The following CASK variants were observed in gnomAD, a reference collection of about 807,000 sequenced individuals.
The protein encoded by CASK is calcium/calmodulin dependent serine protein kinase.
CASK carries 4 observed loss-of-function variants against 82.9 expected under a neutral mutation model. The ratio of observed to expected loss-of-function variants is 0.05; its 90% CI spans 0.02 to 0.11. The LOEUF is 0.11. Among genes scored for constraint, CASK ranks in the 10% least tolerant of loss-of-function variants. CASK has a pLI of 1.00. For missense variants in CASK, 358 were observed against 720.9 expected, an observed-to-expected ratio of 0.50 and a Z score of 5.76; for synonymous variants, 259 against 253.5, an observed-to-expected ratio of 1.02 and a Z score of -0.20.
chrX:41,684,461 G>A (rs1313075132), intron 5 of CASK, among the ~76,000 whole-genome samples: 1 of 111,781 alleles, frequency 8.9e-6, no homozygotes, highest in East Asian at 2.8e-4. Context: ...CCAGGTTAAA[G>A]TGATTAAAGG....
intron 5 of CASK, chrX:41,728,849 T>C (rs942338420): frequency 1.6e-5 from 2 of 124,136 alleles, no homozygotes; most frequent in Admixed American, 1.9e-4. Context: ...ATCCAAGGTT[T>C]TATAAACATA....
chrX:41,625,178 CTTAA>C (rs2066345313), intron 10 of CASK, among the ~76,000 whole-genome samples: 1 of 104,183 alleles, frequency 9.6e-6, no homozygotes, highest in Non-Finnish European at 2.0e-5. Flanking sequence ...TTTTTTATCT[CTTAA>C]TTTTTTTTTT....
chrX:41,681,544 A>G (rs1288106338), intron 5 of CASK, among the ~76,000 whole-genome samples: 2 of 111,924 alleles, frequency 1.8e-5, no homozygotes, highest in Admixed American at 9.5e-5. Context: ...CATCTCTCCA[A>G]TAAATTGCAT....
intron 15 of CASK, among the ~76,000 whole-genome samples, chrX:41,573,018 G>A (rs997405810): frequency 3.7e-5 from 4 of 108,213 alleles, no homozygotes; most frequent in East Asian, 2.9e-4. Flanking sequence ...TACTGCTTCC[G>A]ATAAGACATT....
rs1050726962 is a variant in CASK at position 41,636,220 on chromosome X, G to A, written c.915+358C>T. 3.6e-5 allele frequency among the ~76,000 whole-genome samples: 4 copies of A among 111,125 alleles called. No individual in the cohort carries two copies. The Admixed American group carries it at 3.9e-4, about 11-fold the overall frequency. On this transcript the variant is annotated intron_variant, in intron 9 of 26. Transcript: ENST00000378163. ...CCCCTAATTCCAATTCTAATTCAAA[G>A]TTATTTCCATTGAACTAAACATACA...
chrX:41,726,437 A>T (rs1380816845), intron 5 of CASK, among the ~76,000 whole-genome samples: 1 of 111,999 alleles, frequency 8.9e-6, no homozygotes, highest in Admixed American at 9.5e-5. Context: ...GAACTGAGTT[A>T]ACTTCTGAAA....
At chrX:41,553,178 C>T (rs1338886579) in intron 21 of CASK, among the ~76,000 whole-genome samples, 2 of 111,997 alleles carry the variant, frequency 1.8e-5, no homozygotes, top group East Asian at 5.6e-4. Flanking sequence ...CTTTAGCCTG[C>T]TTTTAGGGCT....
At chrX:41,762,164 T>C (rs2069011566) in intron 3 of CASK, among the ~76,000 whole-genome samples, 1 of 111,935 alleles carries the variant, frequency 8.9e-6, no homozygotes, top group Admixed American at 9.5e-5. Context: ...AGAGCCAGGA[T>C]TTGAATATAG....
At chrX:41,706,979 A>T (rs112881042) in intron 5 of CASK, among the ~76,000 whole-genome samples, 1,270 of 112,413 alleles carry the variant, frequency 0.011, 21 homozygotes, top group African/African-American at 0.038. Flanking sequence ...AGATACACAT[A>T]CTATAGTAAT....
At chrX:41,877,937 T>C (rs1166927810) in intron 1 of CASK, among the ~76,000 whole-genome samples, 1 of 104,054 alleles carries the variant, frequency 9.6e-6, no homozygotes, top group Non-Finnish European at 2.1e-5. Context: ...AAATGGCAAA[T>C]TTTATGTTAT....
At chrX:41,565,801 A>G (rs1303442732) in intron 16 of CASK, among the ~76,000 whole-genome samples, 2 of 111,780 alleles carry the variant, frequency 1.8e-5, no homozygotes, top group African/African-American at 6.5e-5. Context: ...ATTTTAGACC[A>G]ATACCCCTGA....
intron 17 of CASK, among the ~76,000 whole-genome samples, chrX:41,560,772 T>A (rs960960342): frequency 2.8e-5 from 3 of 107,085 alleles, no homozygotes; most frequent in African/African-American, 1.0e-4. Context: ...ATGCCTGTAA[T>A]CCCAGCTACT....
chrX:41,884,669 T>C lies in CASK; in HGVS notation c.60-31442A>G, dbSNP rs1043749459. On this transcript the variant is annotated intron_variant, in intron 1 of 26. Transcript: ENST00000378163. ...CCAATGAGATAAAAGCAAACTTCAA[T>C]AGATGTGGTTTACAGCAAAGCTCTT... 5.4e-5 allele frequency among the ~76,000 whole-genome samples: 6 copies of C among 111,836 alleles called. 1 individual carries two copies. Among genetic ancestry groups the C allele is most frequent in the African/African-American group, 1.3e-4 (4 of 30,749 alleles).
chrX:41,652,740 G>A (rs2066883148), intron 8 of CASK, among the ~76,000 whole-genome samples: 1 of 112,118 alleles, frequency 8.9e-6, no homozygotes, highest in African/African-American at 3.3e-5. Context: ...TGCATCCACA[G>A]AGGGCATGGA....
chrX:41,870,631 C>T (rs2071690882), intron 1 of CASK, among the ~76,000 whole-genome samples: 1 of 112,461 alleles, frequency 8.9e-6, no homozygotes, highest in Non-Finnish European at 1.9e-5. Context: ...ATATGATAGA[C>T]ATTAACATGT....
At chrX:41,704,548 G>A (rs767064798) in intron 5 of CASK, among the ~76,000 whole-genome samples, 64 of 111,807 alleles carry the variant, frequency 5.7e-4, no homozygotes, top group Non-Finnish European at 9.8e-4. Flanking sequence ...TGTTCACTAG[G>A]AGATGAGGGA....
chrX:41,538,394 C>G (rs149310676), intron 22 of CASK, among the ~76,000 whole-genome samples: 1 of 111,605 alleles, frequency 9.0e-6, no homozygotes, highest in Non-Finnish European at 1.9e-5. Flanking sequence ...AGACTTCCTA[C>G]ATTTTTAAAA....
chrX:41,782,240 G>C (rs1218106501), intron 3 of CASK, among the ~76,000 whole-genome samples: 1 of 111,861 alleles, frequency 8.9e-6, no homozygotes, highest in Non-Finnish European at 1.9e-5. Context: ...TTGGTGACCA[G>C]TATGCTGGGG....
intron 5 of CASK, among the ~76,000 whole-genome samples, chrX:41,731,554 G>C (rs1026256758): frequency 1.8e-5 from 2 of 112,383 alleles, no homozygotes; most frequent in Non-Finnish European, 3.8e-5. Flanking sequence ...GGCAGGAAAA[G>C]AGATATGCAA....
Sources: allele counts gnomAD v4.1 joint callset (sites outside exome capture counted in the v4.1 genomes callset), GRCh38; gene constraint gnomAD v4.1.1; transcripts MANE v1.5; gene names NCBI Gene and HGNC (gene_info 2026-07-23, HGNC 2026-07-21).